MGAT4C: variants seen among roughly 807,000 people sequenced by gnomAD.
MGAT4C encodes MGAT4 family member C.
Under a neutral mutation model 40.1 loss-of-function variants are expected in MGAT4C, and 19 were observed. The ratio of observed to expected loss-of-function variants is 0.47; its 90% CI spans 0.33 to 0.70. The LOEUF (loss-of-function observed/expected upper bound fraction) is 0.70, where lower values mean the gene tolerates loss of function less well. Ranked by LOEUF, MGAT4C falls within the 30% of genes least tolerant of loss-of-function variation. The pLI is 0.02. For synonymous variants in MGAT4C, 181 were observed against 187.1 expected (o/e 0.97, Z 0.27); for missense variants, 491 against 563.2 (o/e 0.87, Z 1.30).
chr12:86,584,490 T>C (rs1960924320), intron 2 of MGAT4C, among the ~76,000 whole-genome samples: 1 of 151,106 alleles, frequency 6.6e-6, no homozygotes, highest in Non-Finnish European at 1.5e-5. Flanking sequence ...TATATGTTGC[T>C]CAACCTAAAT....
At chr12:86,696,517 T>C (rs927527644) in intron 2 of MGAT4C, among the ~76,000 whole-genome samples, 1 of 152,222 alleles carries the variant, frequency 6.6e-6, no homozygotes, top group African/African-American at 2.4e-5. Flanking sequence ...TATGATTCTG[T>C]TGGCAAGTCC....
In MGAT4C at chr12:86,524,857, C is replaced by A. The variant is rs116823247; in HGVS notation, c.-228-89592G>T. Among the ~76,000 whole-genome samples the A allele has an allele frequency of 3.5e-3, 529 of 152,126 alleles. 3 individuals carry two copies. Among genetic ancestry groups the A allele is most frequent in the African/African-American group, 0.012 (488 of 41,522 alleles). ...TCTTTCCTTTGCTTCATCTATTTTG[C>A]TATTAATACTTGTGATTGCATTATG... On this transcript the variant is annotated intron_variant, in intron 2 of 7. Coordinates refer to the MGAT4C transcript ENST00000548651.
intron 2 of MGAT4C, among the ~76,000 whole-genome samples, chr12:86,516,666 A>T (rs1326057429): frequency 6.6e-6 from 1 of 152,188 alleles, no homozygotes; most frequent in African/African-American, 2.4e-5. Context: ...AATCCCATCA[A>T]AAAAGTAAAA....
rs1187385896 is a variant in MGAT4C, at chr12:86,777,238, T to A, written c.-261-49997A>T. Among the ~76,000 whole-genome samples, 10 of 152,356 alleles carry A rather than the reference T, an allele frequency of 6.6e-5. No individual in the cohort carries two copies. The East Asian group carries it at 1.9e-3, about 29-fold the overall frequency. On this transcript the variant is annotated intron_variant, in intron 1 of 7. Coordinates refer to the MGAT4C transcript ENST00000548651. ...AAGTATATATTCATTGTGGAATGGC[T>A]ATTAAATCCAAATACAAGCTTAACA...
rs1387838928 is a variant in MGAT4C at position 85,979,255 on chromosome 12, C to G, written c.*34G>C. On this transcript the variant is annotated 3_prime_UTR_variant, in exon 5 of 5. Coordinates refer to ENST00000611864, the MANE Select transcript of MGAT4C (RefSeq NM_001351288.2). ...GTAGCAAAAGACGAAGCAGGAAGAA[C>G]TGCTTCAGAAACTGAACATACTGAT... is the stretch of plus-strand genomic sequence containing the variant. The G allele has an allele frequency of 9.9e-6, 15 of 1,507,934 alleles. No homozygotes were observed. Among genetic ancestry groups the G allele is most frequent in the Non-Finnish European group, 1.3e-5 (15 of 1,119,670 alleles). 93.4% of individuals were successfully genotyped at this position (1,507,934 alleles called of 1,614,324 possible).
intron 1 of MGAT4C, among the ~76,000 whole-genome samples, chr12:86,170,719 G>A (rs899878464): frequency 2.6e-5 from 4 of 152,006 alleles, no homozygotes; most frequent in Non-Finnish European, 4.4e-5. Context: ...TTGGGAGGCC[G>A]AGGCAGGTGG....
intron 2 of MGAT4C, among the ~76,000 whole-genome samples, chr12:85,992,937 C>T (rs558031976): frequency 1.3e-5 from 2 of 152,336 alleles, no homozygotes; most frequent in South Asian, 4.1e-4. Flanking sequence ...CCCAGAGGTG[C>T]CTCCAGCAGG....
At chr12:86,771,136 G>C (rs1008152422) in intron 1 of MGAT4C, among the ~76,000 whole-genome samples, 6 of 152,088 alleles carry the variant, frequency 3.9e-5, no homozygotes, top group Non-Finnish European at 1.5e-5. Context: ...TTCAAGCTAA[G>C]GAAAGAGGCC....
At chr12:86,765,988 T>C (rs1408521855) in intron 1 of MGAT4C, among the ~76,000 whole-genome samples, 3 of 152,214 alleles carry the variant, frequency 2.0e-5, no homozygotes, top group South Asian at 2.1e-4. Flanking sequence ...GCTAACATCA[T>C]AATGACAGGA....
intron 2 of MGAT4C, among the ~76,000 whole-genome samples, chr12:86,633,115 G>A (rs904998469): frequency 6.6e-6 from 1 of 151,434 alleles, no homozygotes; most frequent in African/African-American, 2.4e-5. Flanking sequence ...TGCCACATAC[G>A]ACCATAATTG....
chr12:86,188,514 C>A (rs896612591), intron 1 of MGAT4C, among the ~76,000 whole-genome samples: 1 of 151,618 alleles, frequency 6.6e-6, no homozygotes, highest in African/African-American at 2.4e-5. Context: ...TCTAGACAAG[C>A]TGGAAATAGA....
At chr12:86,570,307 A>T (rs978570183) in intron 2 of MGAT4C, among the ~76,000 whole-genome samples, 9 of 46,484 alleles carry the variant, frequency 1.9e-4, no homozygotes, top group Non-Finnish European at 3.2e-4. Context: ...CAAATATATA[A>T]TATTTGTCAA....
intron 1 of MGAT4C, among the ~76,000 whole-genome samples, chr12:86,194,191 C>T (rs1949705853): frequency 6.6e-6 from 1 of 152,138 alleles, no homozygotes; most frequent in African/African-American, 2.4e-5. Context: ...TGCAAGAAGT[C>T]TGCTGACAGT....
At chr12:86,365,293 T>C (rs980505160) in intron 3 of MGAT4C, among the ~76,000 whole-genome samples, 1 of 152,196 alleles carries the variant, frequency 6.6e-6, no homozygotes, top group Admixed American at 6.5e-5. Flanking sequence ...CCCTGAACAT[T>C]GCTGTTATCC....
intron 4 of MGAT4C, among the ~76,000 whole-genome samples, chr12:86,269,635 T>A (rs552747193): frequency 6.6e-6 from 1 of 152,008 alleles, no homozygotes; most frequent in African/African-American, 2.4e-5. Context: ...ATTTTTCTTC[T>A]TAGAGAAACT....
At chr12:86,517,516 A>G (rs754018839) in intron 2 of MGAT4C, among the ~76,000 whole-genome samples, 18 of 152,214 alleles carry the variant, frequency 1.2e-4, no homozygotes, top group Admixed American at 2.6e-4. Context: ...TCCCTGGACT[A>G]TGAAAGGTTT....
chr12:86,204,271 A>G (rs997818350), intron 1 of MGAT4C, among the ~76,000 whole-genome samples: 3 of 152,006 alleles, frequency 2.0e-5, no homozygotes, highest in Non-Finnish European at 4.4e-5. Context: ...AATGGAAAAG[A>G]ACAACAAAAG....
chr12:86,577,290 T>C (rs1273501803), intron 2 of MGAT4C, among the ~76,000 whole-genome samples: 1 of 151,828 alleles, frequency 6.6e-6, no homozygotes, highest in Admixed American at 6.6e-5. Flanking sequence ...ATTTGGATGT[T>C]CTTTAAATAT....
At chr12:86,674,433 C>A (rs1005646942) in intron 2 of MGAT4C, among the ~76,000 whole-genome samples, 2 of 152,078 alleles carry the variant, frequency 1.3e-5, no homozygotes, top group Admixed American at 1.3e-4. Flanking sequence ...GATCATATCA[C>A]GCCTGTAATC....
Sources: allele counts gnomAD v4.1 joint callset (sites outside exome capture counted in the v4.1 genomes callset), GRCh38; gene constraint gnomAD v4.1.1; transcripts MANE v1.5; gene names NCBI Gene and HGNC (gene_info 2026-07-23, HGNC 2026-07-21).